NKX6-2: variants seen among roughly 807,000 people sequenced by gnomAD.
The protein encoded by NKX6-2 is NK6 homeobox 2.
A neutral mutation model predicts 19.9 loss-of-function variants in NKX6-2; 22 were observed. The observed-to-expected ratio is 1.10, with a 90% CI of 0.79 to 1.58. NKX6-2 has a LOEUF of 1.58. Among genes scored for constraint, NKX6-2 ranks in the 40% most tolerant of loss-of-function variants. The pLI, the probability that NKX6-2 is intolerant of heterozygous loss-of-function variation, is 0.00. For synonymous variants in NKX6-2, 257 were observed against 204.0 expected (o/e 1.26, Z -2.21); for missense variants, 475 against 410.6 (o/e 1.16, Z -1.35).
Position 132,784,004 on chromosome 10 carries a change from C to G in NKX6-2, c.*912G>C, listed in dbSNP as rs920534837. ...CCATTAAGATGCAGCGATGGGCAGC[C>G]CCGGCCACAGAGGCTGCGGGAGGCT... On this transcript the variant is annotated 3_prime_UTR_variant, in exon 3 of 3. Transcript: ENST00000368592. The G allele has an allele frequency of 6.6e-6, 1 of 152,258 alleles. No individual in the cohort carries two copies. Among genetic ancestry groups the G allele is most frequent in the Admixed American group, 6.5e-5 (1 of 15,290 alleles). 9.4% of individuals were successfully genotyped at this position (152,258 alleles called of 1,614,324 possible).
In NKX6-2 at chr10:132,785,576, C is replaced by T. The variant is rs970686941; in HGVS notation, c.373G>A (p.Ala125Thr). 4.6e-6 allele frequency: 6 copies of T among 1,291,928 alleles called. No individual in the cohort carries two copies. The highest frequency in any genetic ancestry group is 5.9e-6 in the Non-Finnish European group (6 of 1,025,412). 80.0% of individuals were successfully genotyped at this position (1,291,928 alleles called of 1,614,324 possible). ...PIFWPGVVQG[A>T]PWRDPRLAGP... ...GCCAGACGCGGGTCCCTCCAGGGCG[C>T]GCCCTGCACCACGCCGGGCCAGAAG... Residue 125 changes from alanine to threonine, a missense_variant, in exon 1 of 3, where the codon GCG (alanine) becomes ACG (threonine). Ala to Thr is a moderately conservative substitution (Grantham distance 58). Transcript: ENST00000368592. The surrounding 1 kb of genome is among the most constrained non-coding windows in gnomAD (Gnocchi z 5.5).
Position 132,785,545 on chromosome 10 carries a change from G to A in NKX6-2, c.404C>T (p.Pro135Leu). The change falls in exon 1 of 3, where the codon CCG (proline) becomes CTG (leucine). Residue 135 changes from proline (P) to leucine (L), a missense_variant and splice_region_variant. By Grantham distance (98) the Pro-to-Leu change is moderately conservative. Transcript: ENST00000368592. The surrounding 1 kb of genome is among the most constrained non-coding windows in gnomAD (Gnocchi z 5.5). ...APWRDPRLAG[P>L]APAGGVLDKD... ...CACCCCCCGCGCGGGCCACTCACCC[G>A]GGCCAGCCAGACGCGGGTCCCTCCA... 3 of 1,344,414 alleles carry A rather than the reference G, an allele frequency of 2.2e-6. No homozygotes were observed. The highest frequency in any genetic ancestry group is 2.8e-6 in the Non-Finnish European group (3 of 1,053,564). 83.3% of individuals were successfully genotyped at this position (1,344,414 alleles called of 1,614,324 possible). A position where few individuals can be genotyped will look rare whatever the true frequency, so the allele number is the denominator to read the frequency against.
Position 132,785,388 on chromosome 10 carries a change from G to A in NKX6-2, c.471C>T (p.Gly157=). 1.9e-5 allele frequency: 31 copies of A among 1,604,176 alleles called. No individual in the cohort carries two copies. Among genetic ancestry groups the A allele is most frequent in the Non-Finnish European group, 2.6e-5 (31 of 1,176,844 alleles). Residue 157 remains glycine (G), a synonymous_variant, in exon 2 of 3, where the codon GGC becomes GGT. Transcript: ENST00000368592. This position sits in a 1 kb window ranked among gnomAD's most constrained non-coding sequence, Gnocchi z 5.5. Reference sequence around the variant, plus strand: ...TTTTCTCCAGCGCGAAGATCTGCTGGCCCGAGAAGGTCGGGCGCGAGTGCT... The same window carrying A: ...TTTTCTCCAGCGCGAAGATCTGCTGACCCGAGAAGGTCGGGCGCGAGTGCT... ...KKKHSRPTFS[G]QQIFALEKTF... is the part of the protein sequence containing the mutation.
At position 132,785,388 on chromosome 10, in the gene NKX6-2, G is replaced by C; in HGVS notation, c.471C>G (p.Gly157=). The C allele has an allele frequency of 1.2e-6, 2 of 1,604,176 alleles. No homozygotes were observed. The highest frequency in any genetic ancestry group is 8.5e-7 in the Non-Finnish European group (1 of 1,176,844). ...KKKHSRPTFS[G]QQIFALEKTF... The stretch of plus-strand genomic sequence containing the variant: ...TTTTCTCCAGCGCGAAGATCTGCTG[G>C]CCCGAGAAGGTCGGGCGCGAGTGCT... Residue 157 remains glycine (G), a synonymous_variant, in exon 2 of 3, where the codon GGC becomes GGG. Coordinates refer to ENST00000368592, the MANE Select transcript of NKX6-2 (RefSeq NM_177400.3). The surrounding 1 kb of genome is among the most constrained non-coding windows in gnomAD (Gnocchi z 5.5).
rs377545550 is a variant in NKX6-2 at position 132,784,859 on chromosome 10, C to T, written c.*57G>A. On this transcript the variant is annotated 3_prime_UTR_variant, in exon 3 of 3. Coordinates refer to ENST00000368592, the MANE Select transcript of NKX6-2 (RefSeq NM_177400.3). ...TTGATGATACAAAGCGACTCGCGCC[C>T]ACCCGGGGCCGCCCCCGGATTCTGC... 9.1e-6 allele frequency: 13 copies of T among 1,421,556 alleles called. No individual in the cohort carries two copies. The highest frequency in any genetic ancestry group is 4.7e-5 in the East Asian group (2 of 42,602). The allele number at this position is 1,421,556 out of a possible 1,614,324, so 88.1% of individuals were successfully genotyped here. A position where few individuals can be genotyped will look rare whatever the true frequency, so the allele number is the denominator to read the frequency against.
At position 132,785,517 on chromosome 10, in the gene NKX6-2, C is replaced by T; in HGVS notation, c.406+26G>A. The T allele has an allele frequency of 5.7e-6, 8 of 1,394,110 alleles. No homozygotes were observed. The highest frequency in any genetic ancestry group is 7.4e-6 in the Non-Finnish European group (8 of 1,077,234). 86.4% of individuals were successfully genotyped at this position (1,394,110 alleles called of 1,614,324 possible). A position where few individuals can be genotyped will look rare whatever the true frequency, so the allele number is the denominator to read the frequency against. On this transcript the variant is annotated intron_variant, in intron 1 of 2. Coordinates refer to ENST00000368592, the MANE Select transcript of NKX6-2 (RefSeq NM_177400.3). The surrounding 1 kb of genome is among the most constrained non-coding windows in gnomAD (Gnocchi z 5.5). Reference sequence around the variant, plus strand: ...GGGTCCCCCTCCGCGCCCACCCGCCCCGCACCCCCCGCGCGGGCCACTCAC... The same window carrying T: ...GGGTCCCCCTCCGCGCCCACCCGCCTCGCACCCCCCGCGCGGGCCACTCAC...
rs780501517 is a variant in NKX6-2, at chr10:132,785,173, G to A, written c.580-3C>T. The A allele has an allele frequency of 6.2e-7, 1 of 1,609,940 alleles. No individual in the cohort carries two copies. The highest frequency in any genetic ancestry group is 1.1e-5 in the South Asian group (1 of 90,886). The stretch of plus-strand genomic sequence containing the variant: ...GTCCGGCGGTTCTGGAACCAGACCT[G>A]GGAGTGGACGGGGCGGTCAGGCGGC... On this transcript the variant is annotated splice_polypyrimidine_tract_variant and splice_region_variant and intron_variant, in intron 2 of 2. Transcript: ENST00000368592. The surrounding 1 kb of genome is among the most constrained non-coding windows in gnomAD (Gnocchi z 5.5).
Position 132,784,110 on chromosome 10 carries a change from G to A in NKX6-2, c.*806C>T, listed in dbSNP as rs1031850027. The A allele has an allele frequency of 3.3e-5, 5 of 152,222 alleles. No homozygotes were observed. The highest frequency in any genetic ancestry group is 1.2e-4 in the African/African-American group (5 of 41,466). 9.4% of individuals were successfully genotyped at this position (152,222 alleles called of 1,614,324 possible). A position where few individuals can be genotyped will look rare whatever the true frequency, so the allele number is the denominator to read the frequency against. ...CAGGAGACGGGTCCCCCGAGCCCCC[G>A]GCTGGGCGCTGCGGGCCTTGCCCAG... On this transcript the variant is annotated 3_prime_UTR_variant, in exon 3 of 3. Coordinates refer to ENST00000368592, the MANE Select transcript of NKX6-2 (RefSeq NM_177400.3).
In NKX6-2 at chr10:132,783,197, G is replaced by A. The variant is rs1847198356; in HGVS notation, c.*1719C>T. On this transcript the variant is annotated 3_prime_UTR_variant, in exon 3 of 3. Coordinates refer to ENST00000368592, the MANE Select transcript of NKX6-2 (RefSeq NM_177400.3). ...GAGAGTCTGTTGATGAAACACAAAT[G>A]TATGTTTTATTGATTTTACTTTAGA... 6.6e-6 allele frequency: 1 copy of A among 152,430 alleles called. No individual in the cohort carries two copies. Among genetic ancestry groups the A allele is most frequent in the Non-Finnish European group, 1.5e-5 (1 of 68,048 alleles). The allele number at this position is 152,430 out of a possible 1,614,324, so 9.4% of individuals were successfully genotyped here.
rs1210706986 is a variant in NKX6-2, at chr10:132,784,306, G to A, written c.*610C>T. ...GGCCTCCGTGCAGCGGATCAGACCCGGTTCCACCGGCTGAGCCCAGGGCGG... is the reference window on the plus strand; with the variant it reads ...GGCCTCCGTGCAGCGGATCAGACCCAGTTCCACCGGCTGAGCCCAGGGCGG... On this transcript the variant is annotated 3_prime_UTR_variant, in exon 3 of 3. Coordinates refer to ENST00000368592, the MANE Select transcript of NKX6-2 (RefSeq NM_177400.3). The A allele has an allele frequency of 2.6e-5, 4 of 152,344 alleles. No individual in the cohort carries two copies. Among genetic ancestry groups the A allele is most frequent in the Non-Finnish European group, 4.4e-5 (3 of 68,100 alleles). The allele number at this position is 152,344 out of a possible 1,614,324, so 9.4% of individuals were successfully genotyped here. A position where few individuals can be genotyped will look rare whatever the true frequency, so the allele number is the denominator to read the frequency against.
Position 132,785,039 on chromosome 10 carries a change from T to TTCG in NKX6-2, c.708_710dup (p.Asp236dup), listed in dbSNP as rs748511291. The TTCG allele has an allele frequency of 3.1e-6, 5 of 1,610,098 alleles. No individual in the cohort carries two copies. Among genetic ancestry groups the TTCG allele is most frequent in the East Asian group, 2.2e-5 (1 of 44,814 alleles). ...AGTTGGGGTCCAGGGGCCGGTTGTATTCGTCGTCGTCCTCCGCGTCCGAGC... is the reference window on the plus strand; with the variant it reads ...AGTTGGGGTCCAGGGGCCGGTTGTATTCGTCGTCGTCGTCCTCCGCGTCCGAGC... On this transcript the variant is annotated inframe_insertion, in exon 3 of 3. Transcript: ENST00000368592. This position sits in a 1 kb window ranked among gnomAD's most constrained non-coding sequence, Gnocchi z 5.5.
In NKX6-2 at chr10:132,785,102, C is replaced by T. The variant is rs146723849; in HGVS notation, c.648G>A (p.Lys216=). The part of the protein sequence containing the change: ...RHAVEMASAK[K]KQDSDAEKLK... ...GCTTCTCGGCGTCCGAGTCCTGCTT[C>T]TTCTTGGCCGACGCCATCTCCACCG... The change falls in exon 3 of 3, where the codon AAG becomes AAA. Residue 216 remains lysine, a synonymous_variant. Transcript: ENST00000368592. This position sits in a 1 kb window ranked among gnomAD's most constrained non-coding sequence, Gnocchi z 5.5. 1.2e-6 allele frequency: 2 copies of T among 1,611,832 alleles called. No homozygotes were observed. The highest frequency in any genetic ancestry group is 2.2e-5 in the East Asian group (1 of 44,816).
chr10:132,785,044 C>T lies in NKX6-2; in HGVS notation c.706G>A (p.Asp236Asn). 6.2e-7 allele frequency: 1 copy of T among 1,609,698 alleles called. No homozygotes were observed. The highest frequency in any genetic ancestry group is 8.5e-7 in the Non-Finnish European group (1 of 1,176,922). ...GGGTCCAGGGGCCGGTTGTATTCGT[C>T]GTCGTCCTCCGCGTCCGAGCCGCCC... ...KVGGSDAEDD[D>N]EYNRPLDPNS... Residue 236 changes from aspartate (D) to asparagine (N), a missense_variant, in exon 3 of 3, where the codon GAC becomes AAC. Asp to Asn is a conservative substitution (Grantham distance 23). Coordinates refer to ENST00000368592, the MANE Select transcript of NKX6-2 (RefSeq NM_177400.3). The surrounding 1 kb of genome is among the most constrained non-coding windows in gnomAD (Gnocchi z 5.5).
chr10:132,785,327 G>T lies in NKX6-2; in HGVS notation c.532C>A (p.Arg178Ser). 3 of 1,606,046 alleles carry T rather than the reference G, an allele frequency of 1.9e-6. No individual in the cohort carries two copies. Among genetic ancestry groups the T allele is most frequent in the Non-Finnish European group, 2.5e-6 (3 of 1,177,462 alleles). The stretch of plus-strand genomic sequence containing the variant: ...CCCAGCGAGTAGGCGAGACGCGCGC[G>T]CTCCGGGCCCGCCAGGTACTTGGTC... ...EQTKYLAGPE[R>S]ARLAYSLGMT... The change falls in exon 2 of 3, where the codon CGC becomes AGC. Residue 178 changes from arginine to serine, a missense_variant. Coordinates refer to ENST00000368592, the MANE Select transcript of NKX6-2 (RefSeq NM_177400.3). This position sits in a 1 kb window ranked among gnomAD's most constrained non-coding sequence, Gnocchi z 5.5.
rs745607293 is a variant in NKX6-2 at position 132,785,376 on chromosome 10, G to C, written c.483C>G (p.Phe161Leu). Residue 161 changes from phenylalanine (F) to leucine (L), a missense_variant, in exon 2 of 3, where the codon TTC becomes TTG. By Grantham distance (22) the Phe-to-Leu change is conservative (BLOSUM62 0). Coordinates refer to ENST00000368592, the MANE Select transcript of NKX6-2 (RefSeq NM_177400.3). This position sits in a 1 kb window ranked among gnomAD's most constrained non-coding sequence, Gnocchi z 5.5. ...TCTGCTCGAAGGTTTTCTCCAGCGC[G>C]AAGATCTGCTGGCCCGAGAAGGTCG... ...SRPTFSGQQIFALEKTFEQTK... is the reference protein window; with the variant it reads ...SRPTFSGQQILALEKTFEQTK... 2.5e-6 allele frequency: 4 copies of C among 1,605,628 alleles called. No homozygotes were observed. The highest frequency in any genetic ancestry group is 3.4e-6 in the Non-Finnish European group (4 of 1,177,418).
At position 132,785,833 on chromosome 10, in the gene NKX6-2, C is replaced by A; in HGVS notation, c.116G>T (p.Gly39Val). 1 of 1,373,470 alleles carries A rather than the reference C, an allele frequency of 7.3e-7. No individual in the cohort carries two copies. Among genetic ancestry groups the A allele is most frequent in the Non-Finnish European group, 9.4e-7 (1 of 1,058,256 alleles). 85.1% of individuals were successfully genotyped at this position (1,373,470 alleles called of 1,614,324 possible). A position where few individuals can be genotyped will look rare whatever the true frequency, so the allele number is the denominator to read the frequency against. ...LFPYALQGPAGFKAPALGGLG... is the reference protein window; with the variant it reads ...LFPYALQGPAVFKAPALGGLG... Reference sequence around the variant, plus strand: ...GCCCCCCAGCGCGGGCGCCTTGAAGCCGGCCGGACCCTGCAGCGCGTAGGG... The same window carrying A: ...GCCCCCCAGCGCGGGCGCCTTGAAGACGGCCGGACCCTGCAGCGCGTAGGG... Residue 39 changes from glycine to valine, a missense_variant, in exon 1 of 3, where the codon GGC becomes GTC. By Grantham distance (109) the Gly-to-Val change is moderately radical. Coordinates refer to ENST00000368592, the MANE Select transcript of NKX6-2 (RefSeq NM_177400.3). The surrounding 1 kb of genome is among the most constrained non-coding windows in gnomAD (Gnocchi z 5.5).
In NKX6-2 at chr10:132,785,743, C is replaced by G; in HGVS notation, c.206G>C (p.Gly69Ala). Reference sequence around the variant, plus strand: ...CCCCAGGAGGCCCCCGCCCGCCGCGCCCACGGGCCGGCCCAGGATGTCGCT... The same window carrying G: ...CCCCAGGAGGCCCCCGCCCGCCGCGGCCACGGGCCGGCCCAGGATGTCGCT... ...GISDILGRPV[G>A]AAGGGLLGGL... The change falls in exon 1 of 3, where the codon GGC (glycine) becomes GCC (alanine). Residue 69 changes from glycine to alanine, a missense_variant. Coordinates refer to ENST00000368592, the MANE Select transcript of NKX6-2 (RefSeq NM_177400.3). The surrounding 1 kb of genome is among the most constrained non-coding windows in gnomAD (Gnocchi z 5.5). 8.1e-7 allele frequency: 1 copy of G among 1,233,550 alleles called. No homozygotes were observed. Among genetic ancestry groups the G allele is most frequent in the Non-Finnish European group, 1.0e-6 (1 of 990,286 alleles). 76.4% of individuals were successfully genotyped at this position (1,233,550 alleles called of 1,614,324 possible).
rs1780779722 is a variant in NKX6-2, at chr10:132,785,089, C to T, written c.661G>A (p.Asp221Asn). 2.5e-6 allele frequency: 4 copies of T among 1,610,974 alleles called. No individual in the cohort carries two copies. Among genetic ancestry groups the T allele is most frequent in the Non-Finnish European group, 2.5e-6 (3 of 1,178,346 alleles). ...CCGCCCACCTTCAGCTTCTCGGCGT[C>T]CGAGTCCTGCTTCTTCTTGGCCGAC... Reference protein sequence around the residue: ...MASAKKKQDSDAEKLKVGGSD... With the variant: ...MASAKKKQDSNAEKLKVGGSD... The change falls in exon 3 of 3, where the codon GAC becomes AAC. Residue 221 changes from aspartate to asparagine, a missense_variant. Asp to Asn is a conservative substitution (Grantham distance 23, BLOSUM62 1). Transcript: ENST00000368592. This position sits in a 1 kb window ranked among gnomAD's most constrained non-coding sequence, Gnocchi z 5.5.
rs964850833 is a variant in NKX6-2 at position 132,784,976 on chromosome 10, G to A, written c.774C>T (p.His258=). ...DEKITRLLKK[H]KPSNLALVSP... Reference sequence around the variant, plus strand: ...TGACCAGCGCCAAGTTCGAGGGTTTGTGCTTCTTGAGCAGCCGCGTGATCT... The same window carrying A: ...TGACCAGCGCCAAGTTCGAGGGTTTATGCTTCTTGAGCAGCCGCGTGATCT... Residue 258 remains histidine (H), a synonymous_variant, in exon 3 of 3, where the codon CAC becomes CAT. Coordinates refer to ENST00000368592, the MANE Select transcript of NKX6-2 (RefSeq NM_177400.3). The A allele has an allele frequency of 6.8e-6, 11 of 1,612,944 alleles. No homozygotes were observed. Among genetic ancestry groups the A allele is most frequent in the Non-Finnish European group, 9.3e-6 (11 of 1,179,866 alleles).
Sources: allele counts gnomAD v4.1 joint callset, GRCh38; gene constraint gnomAD v4.1.1; non-coding constraint Gnocchi (gnomAD v3.1); transcripts MANE v1.5; gene names NCBI Gene and HGNC (gene_info 2026-07-23, HGNC 2026-07-21).